Variants in ADSS2 observed in about 807,000 individuals in gnomAD.
ADSS2 encodes the protein adenylosuccinate synthase 2, also known as adenylosuccinate synthetase isozyme 2.
ADSS2 carries 30 observed loss-of-function variants against 60.0 expected under a neutral mutation model. That is an observed-to-expected ratio of 0.50 (90% CI 0.37 to 0.68). ADSS2 has a LOEUF of 0.68. Ranked by LOEUF, ADSS2 falls within the 30% of genes least tolerant of loss-of-function variation. The pLI is 0.00. For missense variants in ADSS2, 373 were observed against 554.8 expected, an observed-to-expected ratio of 0.67 and a Z score of 3.29; for synonymous variants, 187 against 193.1, an observed-to-expected ratio of 0.97 and a Z score of 0.26.
At chr1:244,416,216 A>C (rs1410648121) in intron 10 of ADSS2, 138 bp from the exon 11 acceptor site, 3 of 632,186 alleles carry the variant, frequency 4.7e-6, no homozygotes, top group Admixed American at 2.9e-5. Flanking sequence ...GGTTAGGATT[A>C]TATTTTAAAG....
intron 3 of ADSS2, 65 bp from the exon 4 acceptor site, chr1:244,432,660 CTTTTT>C (rs532312490): frequency 8.1e-3 from 3,134 of 385,576 alleles, no homozygotes; most frequent in Non-Finnish European, 9.3e-3. Flanking sequence ...ATCTTAATTT[CTTTTT>C]TTTTTTTTTT....
At chr1:244,410,941 G>A (rs1664397615) in intron 12 of ADSS2, among the ~76,000 whole-genome samples, 1 of 152,164 alleles carries the variant, frequency 6.6e-6, no homozygotes, top group African/African-American at 2.4e-5. Context: ...AGAAAAGACA[G>A]TTGGCCGGGC....
rs1188432212 is a variant in ADSS2, at chr1:244,420,221, T to G, written c.739A>C (p.Lys247Gln). The change falls in exon 8 of 13, where the codon AAG (lysine) becomes CAG (glutamine). Residue 247 changes from lysine to glutamine, a missense_variant. Transcript: ENST00000366535. ...TTTGCACCTTCTACCAAGATTTTCT[T>G]TGGTGGTCCATGTAGGGCCTCATAT... ...FLYEALHGPP[K>Q]KILVEGANAA... 6.2e-7 allele frequency: 1 copy of G among 1,613,928 alleles called. No homozygotes were observed. The highest frequency in any genetic ancestry group is 8.5e-7 in the Non-Finnish European group (1 of 1,179,878).
chr1:244,440,609 C>A (rs181438879), intron 1 of ADSS2, among the ~76,000 whole-genome samples: 355 of 152,208 alleles, frequency 2.3e-3, no homozygotes, highest in Non-Finnish European at 2.0e-3. Flanking sequence ...GATACAGACA[C>A]CAAGTGGCAC....
At chr1:244,421,921 C>T (rs1423859933) in intron 7 of ADSS2, among the ~76,000 whole-genome samples, 1 of 152,176 alleles carries the variant, frequency 6.6e-6, no homozygotes, top group African/African-American at 2.4e-5. Context: ...CTGCAGTGAG[C>T]TGTGTTCATG....
chr1:244,443,750 T>C (rs561665330), intron 1 of ADSS2, among the ~76,000 whole-genome samples: 2 of 152,328 alleles, frequency 1.3e-5, no homozygotes, highest in South Asian at 2.1e-4. Context: ...TAGGTGGTAC[T>C]GACTATTCCA....
chr1:244,432,174 T>C (rs1229299502), intron 4 of ADSS2, among the ~76,000 whole-genome samples: 1 of 152,228 alleles, frequency 6.6e-6, no homozygotes, highest in Admixed American at 6.5e-5. Flanking sequence ...AACTACTACA[T>C]TTTAGGCACA....
rs906629171 is a variant in ADSS2 at position 244,451,772 on chromosome 1, C to T, written c.46G>A (p.Gly16Ser). 6.2e-7 allele frequency: 1 copy of T among 1,600,242 alleles called. No homozygotes were observed. Among genetic ancestry groups the T allele is most frequent in the African/African-American group, 1.3e-5 (1 of 74,714 alleles). Residue 16 changes from glycine to serine, a missense_variant, in exon 1 of 13, where the codon GGC (glycine) becomes AGC (serine). Transcript: ENST00000366535. This position sits in a 1 kb window ranked among gnomAD's most constrained non-coding sequence, Gnocchi z 6.6. Reference protein sequence around the residue: ...TYPAASSLPNGDCGRPRARPG... With the variant: ...TYPAASSLPNSDCGRPRARPG... ...CGCGCCCTGGGGCGGCCGCAATCGC[C>T]GTTGGGCAGGGAGGATGCCGCCGGG...
chr1:244,452,042 G>A (rs893957836), upstream of ADSS2: 7 of 385,844 alleles, frequency 1.8e-5, no homozygotes, highest in Non-Finnish European at 2.7e-5. Context: ...GGCCTCGGCA[G>A]CACCGCCCGC....
chr1:244,434,542 C>T (rs754402229), intron 3 of ADSS2, among the ~76,000 whole-genome samples: 4 of 152,116 alleles, frequency 2.6e-5, no homozygotes, highest in Non-Finnish European at 4.4e-5. Flanking sequence ...AGAACCTCCT[C>T]GGTAATGTGC....
At position 244,432,587 on chromosome 1, in the gene ADSS2, C is replaced by A. The variant is rs1429528744; in HGVS notation, c.364G>T (p.Gly122Cys). The A allele has an allele frequency of 6.4e-7, 1 of 1,573,182 alleles. No individual in the cohort carries two copies. Among genetic ancestry groups the A allele is most frequent in the South Asian group, 1.2e-5 (1 of 84,918 alleles). The stretch of plus-strand genomic sequence containing the variant: ...GATATAATAAGCCTTTTTTCCCAGC[C>A]TTCTAGTCCTAGAAAGGGGAAAAAG... ...KNVQKGKGLEGWEKRLIISDR... is the reference protein window; with the variant it reads ...KNVQKGKGLECWEKRLIISDR... Residue 122 changes from glycine (G) to cysteine (C), a missense_variant, in exon 4 of 13, where the codon GGC becomes TGC. This residue lies in a region of ADSS2 where 139 missense variants were observed against 189.4 expected (regional missense o/e 0.73). Transcript: ENST00000366535.
chr1:244,448,475 A>G (rs1342010658), intron 1 of ADSS2, among the ~76,000 whole-genome samples: 1 of 152,182 alleles, frequency 6.6e-6, no homozygotes, highest in Admixed American at 6.5e-5. Flanking sequence ...ATTGACTTTG[A>G]AGCCTTGGAG....
chr1:244,440,301 A>C (rs1289829964), intron 1 of ADSS2, among the ~76,000 whole-genome samples: 1 of 152,218 alleles, frequency 6.6e-6, no homozygotes, highest in Non-Finnish European at 1.5e-5. Flanking sequence ...CATCCCAATT[A>C]TGAGGTCACA....
At chr1:244,435,198 CAAA>C (rs1191103796) in intron 3 of ADSS2, among the ~76,000 whole-genome samples, 77 of 59,870 alleles carry the variant, frequency 1.3e-3, no homozygotes, top group African/African-American at 5.1e-3. Flanking sequence ...AAAAAAAAAA[CAAA>C]CCTGAACATA....
chr1:244,427,579 T>G (rs1664836848), intron 4 of ADSS2, among the ~76,000 whole-genome samples: 1 of 152,054 alleles, frequency 6.6e-6, no homozygotes, highest in Admixed American at 6.6e-5. Flanking sequence ...AAGAAATACA[T>G]TATAAATCTA....
intron 1 of ADSS2, among the ~76,000 whole-genome samples, chr1:244,448,052 G>A (rs1480936036): frequency 6.6e-6 from 1 of 152,118 alleles, no homozygotes; most frequent in Non-Finnish European, 1.5e-5. Context: ...CTAGGGAAAT[G>A]CTATAAATGA....
chr1:244,416,300 G>A (rs1407031314), intron 10 of ADSS2, among the ~76,000 whole-genome samples: 1 of 152,146 alleles, frequency 6.6e-6, no homozygotes, highest in Non-Finnish European at 1.5e-5. Context: ...GATTTTCACT[G>A]ATGAATTTTG....
intron 1 of ADSS2, among the ~76,000 whole-genome samples, chr1:244,441,120 G>A (rs1304053529): frequency 6.7e-5 from 10 of 149,688 alleles, no homozygotes; most frequent in South Asian, 6.3e-4. Flanking sequence ...GTGCAATGGC[G>A]CGATCTCGGC....
At chr1:244,427,966 A>G (rs1255502812) in intron 4 of ADSS2, among the ~76,000 whole-genome samples, 1 of 152,190 alleles carries the variant, frequency 6.6e-6, no homozygotes, top group Non-Finnish European at 1.5e-5. Flanking sequence ...CAGAGCTTCA[A>G]TGTGCATGAA....
Sources: gnomAD v4.1 joint callset for allele counts (sites outside exome capture counted in the v4.1 genomes callset) on GRCh38, gnomAD v4.1.1 for gene constraint, gnomAD v4.1.1 regional missense constraint, Gnocchi (gnomAD v3.1) non-coding constraint, MANE v1.5 for transcripts, NCBI Gene and HGNC (gene_info 2026-07-23, HGNC 2026-07-21) for gene names.